The following SEMA3C variants were observed in gnomAD, a reference collection of about 807,000 sequenced individuals.
SEMA3C encodes the protein semaphorin-3C.
In SEMA3C, 47 loss-of-function variants were observed where a neutral mutation model predicts 89.4. That is an observed-to-expected ratio of 0.53 (90% CI 0.42 to 0.67). The LOEUF (loss-of-function observed/expected upper bound fraction) is 0.67, where lower values mean the gene tolerates loss of function less well. SEMA3C is among the 30% of genes least tolerant of loss of function. The probability of loss-of-function intolerance (pLI) is 0.00; values close to 1 mark genes in which losing one functional copy is unlikely to be tolerated. For synonymous variants in SEMA3C, 310 were observed against 320.2 expected, an observed-to-expected ratio of 0.97 and a Z score of 0.34; for missense variants, 839 against 929.1, an observed-to-expected ratio of 0.90 and a Z score of 1.26.
At chr7:80,882,412 CTTTT>C (rs763742493) in intron 2 of SEMA3C, among the ~76,000 whole-genome samples, 153 of 46,654 alleles carry the variant, frequency 3.3e-3, no homozygotes, top group Non-Finnish European at 4.6e-3. Context: ...GTAAGGGATG[CTTTT>C]TTTTTTTTTT....
chr7:80,864,069 C>G (rs967571360), intron 2 of SEMA3C, among the ~76,000 whole-genome samples: 1 of 151,472 alleles, frequency 6.6e-6, no homozygotes, highest in Non-Finnish European at 1.5e-5. Context: ...GCCATAAAAA[C>G]GAATGAATTA....
At position 80,742,881 on chromosome 7, in the gene SEMA3C, AT is replaced by A. The variant is rs1315618022; in HGVS notation, c.*2012del. ...AGTTATGTTCATGAAGAATTTCTAC[AT>A]TTTTAAAAGTAATGAAAGTGTACAC... On this transcript the variant is annotated 3_prime_UTR_variant, in exon 18 of 18. Transcript: ENST00000265361. 1 of 152,100 alleles carries A rather than the reference AT, an allele frequency of 6.6e-6. No homozygotes were observed. The highest frequency in any genetic ancestry group is 1.5e-5 in the Non-Finnish European group (1 of 67,844). The allele number at this position is 152,100 out of a possible 1,614,324, so 9.4% of individuals were successfully genotyped here.
chr7:80,890,074 C>T (rs1791575831), intron 2 of SEMA3C, among the ~76,000 whole-genome samples: 1 of 152,124 alleles, frequency 6.6e-6, no homozygotes, highest in African/African-American at 2.4e-5. Flanking sequence ...ATTGAAGGGA[C>T]TGATGTTGTG....
chr7:80,750,053 T>C (rs1787889233), intron 16 of SEMA3C, among the ~76,000 whole-genome samples: 2 of 152,046 alleles, frequency 1.3e-5, no homozygotes, highest in South Asian at 4.1e-4. Flanking sequence ...CTCTTTGCAG[T>C]TAGAATAGTT....
At chr7:80,799,559 T>C (rs1562880459) in intron 10 of SEMA3C, among the ~76,000 whole-genome samples, 1 of 151,962 alleles carries the variant, frequency 6.6e-6, no homozygotes, top group Non-Finnish European at 1.5e-5. Context: ...AATAAGAAAA[T>C]TGGCCAGGCA....
At chr7:80,902,528 C>T (rs138572232) in intron 2 of SEMA3C, among the ~76,000 whole-genome samples, 118 of 152,136 alleles carry the variant, frequency 7.8e-4, no homozygotes, top group East Asian at 7.5e-3. Context: ...AATTATGTTC[C>T]GGAAAAAGCA....
chr7:80,745,137 C>T lies in SEMA3C; in HGVS notation c.2013G>A (p.Thr671=), dbSNP rs370225417. The T allele has an allele frequency of 2.4e-5, 39 of 1,613,852 alleles. No individual in the cohort carries two copies. Among genetic ancestry groups the T allele is most frequent in the African/African-American group, 2.7e-5 (2 of 74,894 alleles). ...VLDSEMVAVV[T]DKWSPWTWAS... is the part of the protein sequence containing the mutation. The stretch of plus-strand genomic sequence containing the variant: ...CCCAGGTCCATGGGGACCATTTGTC[C>T]GTCACAACAGCCACCATTTCTGAAT... The change falls in exon 18 of 18, where the codon ACG becomes ACA. Residue 671 remains threonine (T), a synonymous_variant. Coordinates refer to ENST00000265361, the MANE Select transcript of SEMA3C (RefSeq NM_006379.5).
At chr7:80,874,447 G>GTTATTTATTTATTTAT (rs56316322) in intron 2 of SEMA3C, among the ~76,000 whole-genome samples, 3,222 of 146,596 alleles carry the variant, frequency 0.022, 51 homozygotes, top group East Asian at 0.04. Context: ...ACCATAGCAA[G>GTTATTTATTTATTTAT]TTATTTATTT....
chr7:80,753,016 C>T (rs1285245530), intron 15 of SEMA3C, among the ~76,000 whole-genome samples: 1 of 152,114 alleles, frequency 6.6e-6, no homozygotes, highest in African/African-American at 2.4e-5. Flanking sequence ...ATCACAAAGT[C>T]ATTGATAGTG....
At chr7:80,879,924 T>C (rs1038821760) in intron 2 of SEMA3C, among the ~76,000 whole-genome samples, 2 of 152,148 alleles carry the variant, frequency 1.3e-5, no homozygotes, top group Admixed American at 1.3e-4. Context: ...TTCTCTTCTT[T>C]ATAGGAGACC....
chr7:80,780,111 T>A (rs777775197), intron 12 of SEMA3C, among the ~76,000 whole-genome samples: 7 of 152,180 alleles, frequency 4.6e-5, no homozygotes, highest in African/African-American at 9.7e-5. Flanking sequence ...ATAATAAATG[T>A]ATGTAGTCTT....
intron 2 of SEMA3C, among the ~76,000 whole-genome samples, chr7:80,833,624 C>T (rs1790060492): frequency 6.6e-6 from 1 of 152,124 alleles, no homozygotes; most frequent in Admixed American, 6.5e-5. Flanking sequence ...TTACCTATGG[C>T]TTACTGATAG....
At chr7:80,755,850 C>T (rs1788053626) in intron 15 of SEMA3C, among the ~76,000 whole-genome samples, 1 of 152,096 alleles carries the variant, frequency 6.6e-6, no homozygotes, top group African/African-American at 2.4e-5. Flanking sequence ...AGGTTTAGGC[C>T]TCCAGCCCCA....
intron 7 of SEMA3C, 78 bp from the exon 8 acceptor site, chr7:80,804,326 G>A: frequency 2.0e-6 from 2 of 983,824 alleles, no homozygotes; most frequent in South Asian, 2.7e-5. Flanking sequence ...ACCACAGGCA[G>A]ATGCCTTCCC....
At chr7:80,757,711 C>T (rs1788096216) in intron 15 of SEMA3C, among the ~76,000 whole-genome samples, 1 of 152,226 alleles carries the variant, frequency 6.6e-6, no homozygotes, top group South Asian at 2.1e-4. Context: ...TGGCTCACGC[C>T]TGTAATCCCA....
chr7:80,882,076 G>T (rs1051084769), intron 2 of SEMA3C, among the ~76,000 whole-genome samples: 1 of 152,104 alleles, frequency 6.6e-6, no homozygotes, highest in African/African-American at 2.4e-5. Context: ...TTCCTTCACT[G>T]TCCATCCACG....
intron 2 of SEMA3C, among the ~76,000 whole-genome samples, chr7:80,896,930 G>A (rs541428577): frequency 2.6e-5 from 4 of 152,018 alleles, no homozygotes; most frequent in South Asian, 4.2e-4. Flanking sequence ...CTGATGCTCC[G>A]TCTCGTGTTC....
At chr7:80,797,631 T>TA (rs1789095685) in intron 11 of SEMA3C, among the ~76,000 whole-genome samples, 1 of 152,238 alleles carries the variant, frequency 6.6e-6, no homozygotes, top group South Asian at 2.1e-4. Flanking sequence ...TCTATCTAAA[T>TA]AGATTCCTAG....
chr7:80,825,099 G>A (rs1049910564), intron 4 of SEMA3C, among the ~76,000 whole-genome samples: 5 of 152,030 alleles, frequency 3.3e-5, no homozygotes, highest in African/African-American at 7.2e-5. Flanking sequence ...TAAGTATGTC[G>A]TTTCATTGAG....
Sources: gnomAD v4.1 joint callset for allele counts (sites outside exome capture counted in the v4.1 genomes callset) on GRCh38, gnomAD v4.1.1 for gene constraint, MANE v1.5 for transcripts, NCBI Gene and HGNC (gene_info 2026-07-23, HGNC 2026-07-21) for gene names.